Variants in CNTN5 observed in about 807,000 individuals in gnomAD.
CNTN5 encodes the protein contactin-5.
Under a neutral mutation model 129.1 loss-of-function variants are expected in CNTN5, and 77 were observed. The observed-to-expected ratio is 0.60, with a 90% CI of 0.50 to 0.72. The LOEUF (loss-of-function observed/expected upper bound fraction) is 0.72. Ranked by LOEUF, CNTN5 falls within the 30% of genes least tolerant of loss-of-function variation. The pLI, the probability that CNTN5 is intolerant of heterozygous loss-of-function variation, is 0.00. For synonymous variants in CNTN5, 509 were observed against 465.6 expected, an observed-to-expected ratio of 1.09 and a Z score of -1.20; for missense variants, 1,478 against 1,328.8, an observed-to-expected ratio of 1.11 and a Z score of -1.75.
At chr11:100,341,778 T>G in intron 23 of CNTN5, among the ~76,000 whole-genome samples, 1 of 152,132 alleles carries the variant, frequency 6.6e-6, no homozygotes, top group Middle Eastern at 3.2e-3. Context: ...AACTTTGTTA[T>G]CTGATTTTTA....
At chr11:99,758,054 G>T (rs2135261960) in intron 3 of CNTN5, among the ~76,000 whole-genome samples, 1 of 152,144 alleles carries the variant, frequency 6.6e-6, no homozygotes, top group African/African-American at 2.4e-5. Flanking sequence ...ACAATTTAGT[G>T]AAAGTGTTGT....
chr11:99,896,356 C>T (rs1949206409), intron 6 of CNTN5, among the ~76,000 whole-genome samples: 1 of 152,152 alleles, frequency 6.6e-6, no homozygotes, highest in Admixed American at 6.5e-5. Context: ...CTGATAGGCC[C>T]TCTGTGATCA....
intron 2 of CNTN5, among the ~76,000 whole-genome samples, chr11:99,471,237 C>T (rs924346684): frequency 1.7e-4 from 26 of 151,986 alleles, no homozygotes; most frequent in African/African-American, 6.3e-4. Flanking sequence ...TTTATACCCC[C>T]ATAAAGTAGC....
chr11:99,196,888 G>A (rs1009237831), intron 1 of CNTN5, among the ~76,000 whole-genome samples: 4 of 151,836 alleles, frequency 2.6e-5, no homozygotes, highest in African/African-American at 4.8e-5. Context: ...GATGGAGGGA[G>A]TGAATAAAAT....
chr11:99,535,528 G>C (rs1377333721), intron 2 of CNTN5, among the ~76,000 whole-genome samples: 26 of 152,144 alleles, frequency 1.7e-4, no homozygotes, highest in Admixed American at 1.7e-3. Context: ...CACATGGGGA[G>C]CTCTATTCAG....
At chr11:99,823,976 T>G (rs1274921009) in intron 4 of CNTN5, among the ~76,000 whole-genome samples, 1 of 152,114 alleles carries the variant, frequency 6.6e-6, no homozygotes. Context: ...TAGAGATTCA[T>G]GTATCTTGGT....
chr11:99,083,427 C>T (rs1865886031), intron 1 of CNTN5, among the ~76,000 whole-genome samples: 2 of 152,156 alleles, frequency 1.3e-5, no homozygotes. Context: ...TACCATTAAG[C>T]TCATCTTGTT....
At chr11:99,403,213 G>A (rs939111348) in intron 2 of CNTN5, among the ~76,000 whole-genome samples, 1 of 151,984 alleles carries the variant, frequency 6.6e-6, no homozygotes, top group East Asian at 1.9e-4. Context: ...TGTTAGCCAG[G>A]ATGGTCTCAA....
intron 3 of CNTN5, among the ~76,000 whole-genome samples, chr11:99,738,967 G>A (rs896825691): frequency 5.3e-5 from 8 of 152,152 alleles, no homozygotes; most frequent in African/African-American, 1.4e-4. Flanking sequence ...TTGTGGATAA[G>A]GGACCAGATA....
At chr11:99,432,540 C>T (rs1048109269) in intron 2 of CNTN5, among the ~76,000 whole-genome samples, 2 of 123,238 alleles carry the variant, frequency 1.6e-5, no homozygotes, top group East Asian at 2.3e-4. Flanking sequence ...TTTTTAGGGG[C>T]GAATGGGGTA....
intron 2 of CNTN5, among the ~76,000 whole-genome samples, chr11:99,539,018 A>G (rs1591243924): frequency 6.6e-6 from 1 of 152,048 alleles, no homozygotes; most frequent in East Asian, 1.9e-4. Context: ...ATGCCATTTT[A>G]TAGGTTAAAA....
chr11:99,170,088 ATTTG>A (rs1477611412), intron 1 of CNTN5, among the ~76,000 whole-genome samples: 1 of 152,050 alleles, frequency 6.6e-6, no homozygotes, highest in Non-Finnish European at 1.5e-5. Context: ...TTTATATTTT[ATTTG>A]TTTATTTTGC....
rs1947356532 is a variant in CNTN5, at chr11:99,837,884, AAAAC to A, written c.278-6967_278-6964del. Reference sequence around the variant, plus strand: ...TGTTTTAGTAAAAGCTAAAAGTAAAAAAACTTCATTTTTGTTAATTTCTCATTTT... The same window carrying A: ...TGTTTTAGTAAAAGCTAAAAGTAAAATTCATTTTTGTTAATTTCTCATTTT... On this transcript the variant is annotated intron_variant, in intron 4 of 24. Transcript: ENST00000524871. Among the ~76,000 whole-genome samples the A allele has an allele frequency of 2.0e-5, 3 of 152,112 alleles. No homozygotes were observed. In the East Asian group the frequency reaches 5.8e-4, roughly 29 times the overall value.
At chr11:99,335,851 G>A (rs947398085) in intron 2 of CNTN5, among the ~76,000 whole-genome samples, 3 of 152,038 alleles carry the variant, frequency 2.0e-5, no homozygotes, top group South Asian at 2.1e-4. Flanking sequence ...TCGGACCCTC[G>A]AGATGAGACA....
At chr11:99,620,044 A>T (rs371419317) in intron 3 of CNTN5, among the ~76,000 whole-genome samples, 1 of 104,932 alleles carries the variant, frequency 9.5e-6, no homozygotes, top group Non-Finnish European at 2.1e-5. Flanking sequence ...AAAACAAAAA[A>T]CAAAGCTTAG....
rs150329500 is a variant in CNTN5, at chr11:99,243,897, G to A, written c.-209-81449G>A. Among the ~76,000 whole-genome samples, 497 of 151,980 alleles carry A rather than the reference G, an allele frequency of 3.3e-3. 2 individuals are homozygous for A. The highest frequency in any genetic ancestry group is 0.011 in the African/African-American group (477 of 41,488). On this transcript the variant is annotated intron_variant, in intron 1 of 24. Coordinates refer to ENST00000524871, the MANE Select transcript of CNTN5 (RefSeq NM_014361.4). The stretch of plus-strand genomic sequence containing the variant: ...ACAGTATTCTTTGAAATTCGGCAAT[G>A]TGATGCCTCCAGCTGTATTCTTTTT...
intron 3 of CNTN5, among the ~76,000 whole-genome samples, chr11:99,673,874 C>T (rs896419260): frequency 1.3e-5 from 2 of 152,108 alleles, no homozygotes; most frequent in Admixed American, 6.6e-5. Context: ...TAGGTTGATT[C>T]CCTGTCTTTG....
intron 6 of CNTN5, among the ~76,000 whole-genome samples, chr11:99,850,262 A>T (rs887918715): frequency 1.3e-5 from 2 of 152,114 alleles, no homozygotes; most frequent in African/African-American, 4.8e-5. Flanking sequence ...TTATTGAATA[A>T]CATACAGTGA....
chr11:99,672,774 C>T (rs144386026), intron 3 of CNTN5, among the ~76,000 whole-genome samples: 1 of 151,938 alleles, frequency 6.6e-6, no homozygotes, highest in East Asian at 1.9e-4. Context: ...TGCTTTTAGA[C>T]TTGTCCAGTA....
Sources: allele counts gnomAD v4.1 joint callset (sites outside exome capture counted in the v4.1 genomes callset), GRCh38; gene constraint gnomAD v4.1.1; transcripts MANE v1.5; gene names NCBI Gene and HGNC (gene_info 2026-07-23, HGNC 2026-07-21).